CCDC148: variants seen among roughly 807,000 people sequenced by gnomAD.
CCDC148 encodes coiled-coil domain-containing protein 148.
Under a neutral mutation model 85.7 loss-of-function variants are expected in CCDC148, and 89 were observed. The observed-to-expected ratio is 1.04, with a 90% confidence interval of 0.87 to 1.24. CCDC148 has a LOEUF of 1.24. CCDC148 is among the 50% of genes most tolerant of loss of function. The pLI, the probability that CCDC148 is intolerant of heterozygous loss-of-function variation, is 0.00. For missense variants in CCDC148, 692 were observed against 671.7 expected, an observed-to-expected ratio of 1.03 and a Z score of -0.33; for synonymous variants, 230 against 213.9, an observed-to-expected ratio of 1.08 and a Z score of -0.66.
At chr2:158,439,632 A>T (rs1262443348) in intron 1 of CCDC148, among the ~76,000 whole-genome samples, 1 of 152,186 alleles carries the variant, frequency 6.6e-6, no homozygotes, top group Non-Finnish European at 1.5e-5. Context: ...TAAAAAGAAA[A>T]AAAAAGATGT....
intron 1 of CCDC148, among the ~76,000 whole-genome samples, chr2:158,448,826 T>TG (rs1318244105): frequency 6.6e-6 from 1 of 152,008 alleles, no homozygotes; most frequent in Non-Finnish European, 1.5e-5. Context: ...TTGTTGTTGT[T>TG]TTTGTTTGTT....
At chr2:158,303,216 A>G (rs1691530465) in intron 9 of CCDC148, among the ~76,000 whole-genome samples, 1 of 152,196 alleles carries the variant, frequency 6.6e-6, no homozygotes. Flanking sequence ...CTGGCATATT[A>G]GTTTTAGAAA....
intron 9 of CCDC148, among the ~76,000 whole-genome samples, chr2:158,269,248 T>A (rs977282323): frequency 6.6e-6 from 1 of 152,164 alleles, no homozygotes; most frequent in African/African-American, 2.4e-5. Flanking sequence ...TTTTTGGTCA[T>A]GCCATCCTTT....
intron 1 of CCDC148, among the ~76,000 whole-genome samples, chr2:158,455,701 G>A (rs1256555234): frequency 1.3e-5 from 2 of 152,142 alleles, no homozygotes; most frequent in African/African-American, 4.8e-5. Flanking sequence ...AAGAATATCA[G>A]TGGCTATAGG....
chr2:158,278,611 C>G (rs1690086555), intron 9 of CCDC148, among the ~76,000 whole-genome samples: 2 of 152,334 alleles, frequency 1.3e-5, no homozygotes, highest in South Asian at 2.1e-4. Flanking sequence ...CTTAGGTAAA[C>G]AAAGAAGCCT....
intron 1 of CCDC148, among the ~76,000 whole-genome samples, chr2:158,411,530 T>C (rs1228533028): frequency 6.6e-6 from 1 of 152,120 alleles, no homozygotes; most frequent in African/African-American, 2.4e-5. Flanking sequence ...TTCTGTTTTG[T>C]TCTTCATTGT....
In CCDC148 at chr2:158,311,984, GA is replaced by G. The variant is rs1692040298; in HGVS notation, c.903+1771del. Among the ~76,000 whole-genome samples, 15 of 152,276 alleles carry G rather than the reference GA, an allele frequency of 9.9e-5. 2 individuals are homozygous for G. The South Asian group carries it at 3.1e-3, about 32-fold the overall frequency. Reference sequence around the variant, plus strand: ...GTGGGTCATTCTGAAATGCTCCTCAGAAAAACATGTGTCTTCCAAAATTGAG... The same window carrying G: ...GTGGGTCATTCTGAAATGCTCCTCAGAAAACATGTGTCTTCCAAAATTGAG... On this transcript the variant is annotated intron_variant, in intron 8 of 13. Transcript: ENST00000283233.
At chr2:158,450,190 G>T (rs1688349459) in intron 1 of CCDC148, among the ~76,000 whole-genome samples, 1 of 152,078 alleles carries the variant, frequency 6.6e-6, no homozygotes, top group Admixed American at 6.5e-5. Flanking sequence ...TATATTTTTT[G>T]AATGATTCAT....
At chr2:158,366,848 T>C (rs1559102990) in intron 1 of CCDC148, among the ~76,000 whole-genome samples, 2 of 152,158 alleles carry the variant, frequency 1.3e-5, no homozygotes, top group African/African-American at 4.8e-5. Context: ...TAAATAACAG[T>C]ACTCACTTTT....
chr2:158,352,878 T>C lies in CCDC148; in HGVS notation c.147+5571A>G, dbSNP rs1167660438. Reference sequence around the variant, plus strand: ...GCCCATCAGACTAGCAGCGGATCTCTTGGCAGAAACCCTACAAGCCAGAAG... The same window carrying C: ...GCCCATCAGACTAGCAGCGGATCTCCTGGCAGAAACCCTACAAGCCAGAAG... On this transcript the variant is annotated intron_variant, in intron 2 of 13. Transcript: ENST00000283233. 5.9e-5 allele frequency among the ~76,000 whole-genome samples: 9 copies of C among 152,224 alleles called. No individual in the cohort carries two copies. In the South Asian group the frequency reaches 8.3e-4, roughly 14 times the overall value.
At chr2:158,435,093 C>A (rs147445028) in intron 1 of CCDC148, among the ~76,000 whole-genome samples, 1 of 152,124 alleles carries the variant, frequency 6.6e-6, no homozygotes, top group African/African-American at 2.4e-5. Flanking sequence ...TCTAGCAAGG[C>A]AGGCCAACAT....
At chr2:158,342,002 A>T (rs1224883564) in intron 3 of CCDC148, among the ~76,000 whole-genome samples, 6 of 93,090 alleles carry the variant, frequency 6.4e-5, no homozygotes, top group Admixed American at 1.1e-4. Flanking sequence ...ATTCCATTTT[A>T]TGTACGTGTC....
At chr2:158,176,318 T>C (rs1433118229) in intron 13 of CCDC148, among the ~76,000 whole-genome samples, 1 of 152,072 alleles carries the variant, frequency 6.6e-6, no homozygotes, top group Non-Finnish European at 1.5e-5. Flanking sequence ...GGTAACCTCT[T>C]GTTCTATGGT....
At chr2:158,258,934 C>G (rs115104366) in intron 9 of CCDC148, among the ~76,000 whole-genome samples, 1 of 151,778 alleles carries the variant, frequency 6.6e-6, no homozygotes, top group Non-Finnish European at 1.5e-5. Flanking sequence ...ATAGACTACA[C>G]GGCTCCCAGT....
intron 1 of CCDC148, among the ~76,000 whole-genome samples, chr2:158,433,676 A>G (rs1170791558): frequency 6.6e-6 from 1 of 152,192 alleles, no homozygotes; most frequent in Non-Finnish European, 1.5e-5. Flanking sequence ...ATGGTGGTGC[A>G]TCGCCTCACC....
chr2:158,331,269 G>A (rs892478022), intron 7 of CCDC148, among the ~76,000 whole-genome samples: 4 of 152,182 alleles, frequency 2.6e-5, no homozygotes, highest in African/African-American at 9.7e-5. Context: ...TATGTACCCA[G>A]TAGTCATTCA....
In CCDC148 at chr2:158,431,488, TAAAA is replaced by T. The variant is rs762125420; in HGVS notation, c.25+24923_25+24926del. On this transcript the variant is annotated intron_variant, in intron 1 of 13. Coordinates refer to ENST00000283233, the MANE Select transcript of CCDC148 (RefSeq NM_138803.4). ...AAAGTGCTATAAAAAAGGTGTTTTT[TAAAA>T]AAAAAAAAACCTGTCAATTTATAAT... Among the ~76,000 whole-genome samples, 15 of 147,044 alleles carry T rather than the reference TAAAA, an allele frequency of 1.0e-4. No homozygotes were observed. In the South Asian group the frequency reaches 1.1e-3, roughly 10 times the overall value.
At chr2:158,282,003 A>G (rs1690339744) in intron 9 of CCDC148, among the ~76,000 whole-genome samples, 1 of 152,070 alleles carries the variant, frequency 6.6e-6, no homozygotes, top group Non-Finnish European at 1.5e-5. Context: ...AATCCAGCAT[A>G]TAAACAGAAC....
intron 1 of CCDC148, chr2:158,425,095 G>T (rs1431534606): frequency 1.1e-5 from 5 of 468,964 alleles, no homozygotes; most frequent in Non-Finnish European, 2.1e-5. Flanking sequence ...CAATGATCTA[G>T]TGACTACTAT....
Sources: gnomAD v4.1 joint callset for allele counts (sites outside exome capture counted in the v4.1 genomes callset) on GRCh38, gnomAD v4.1.1 for gene constraint, MANE v1.5 for transcripts, NCBI Gene and HGNC (gene_info 2026-07-23, HGNC 2026-07-21) for gene names.